The following ARHGAP25 variants were observed in gnomAD, a reference collection of about 807,000 sequenced individuals.
ARHGAP25 encodes the protein rho GTPase-activating protein 25.
ARHGAP25 carries 34 observed loss-of-function variants against 71.0 expected under a neutral mutation model. The ratio of observed to expected loss-of-function variants is 0.48; its 90% CI spans 0.36 to 0.64. The LOEUF is 0.64. Among genes scored for constraint, ARHGAP25 ranks in the 30% least tolerant of loss-of-function variants. The probability of loss-of-function intolerance (pLI) is 0.00; values close to 1 mark genes in which losing one functional copy is unlikely to be tolerated. For missense variants in ARHGAP25, 706 were observed against 805.1 expected (o/e 0.88, Z 1.49); for synonymous variants, 282 against 296.5 (o/e 0.95, Z 0.50).
At chr2:68,814,086 T>C (rs1200655631) in intron 6 of ARHGAP25, among the ~76,000 whole-genome samples, 1 of 152,166 alleles carries the variant, frequency 6.6e-6, no homozygotes, top group African/African-American at 2.4e-5. Flanking sequence ...ACAATAAACC[T>C]TGATGATTTT....
chr2:68,764,021 C>G (rs1256260339), intron 1 of ARHGAP25, among the ~76,000 whole-genome samples: 4 of 152,166 alleles, frequency 2.6e-5, no homozygotes, highest in Non-Finnish European at 5.9e-5. Context: ...TTCTCTCCAG[C>G]CGTTTTGCAA....
intron 2 of ARHGAP25, among the ~76,000 whole-genome samples, chr2:68,711,588 T>C (rs546163997): frequency 1.0e-3 from 157 of 152,270 alleles, no homozygotes; most frequent in African/African-American, 3.6e-3. Flanking sequence ...GTTACATAGG[T>C]ATACATGTGT....
chr2:68,804,376 T>C (rs1451981816), intron 4 of ARHGAP25, among the ~76,000 whole-genome samples: 1 of 152,202 alleles, frequency 6.6e-6, no homozygotes, highest in East Asian at 1.9e-4. Context: ...GAAGGGCCCC[T>C]CTCTGGACCT....
intron 3 of ARHGAP25, among the ~76,000 whole-genome samples, chr2:68,785,762 G>C (rs1207756719): frequency 6.6e-6 from 1 of 152,142 alleles, no homozygotes; most frequent in African/African-American, 2.4e-5. Context: ...TTTAAAGAAT[G>C]GGTAGGAGTT....
At chr2:68,795,612 C>T (rs1195673557) in intron 4 of ARHGAP25, among the ~76,000 whole-genome samples, 3 of 152,068 alleles carry the variant, frequency 2.0e-5, no homozygotes, top group African/African-American at 7.2e-5. Context: ...TTTTATTCCA[C>T]TGTGGTCTGA....
At chr2:68,823,966 T>C (rs1681899153) in intron 10 of ARHGAP25, among the ~76,000 whole-genome samples, 1 of 152,220 alleles carries the variant, frequency 6.6e-6, no homozygotes, top group Non-Finnish European at 1.5e-5. Context: ...GCACTAGTCA[T>C]GAGGCAGTGA....
chr2:68,713,368 T>C (rs1377822271), intron 2 of ARHGAP25, among the ~76,000 whole-genome samples: 3 of 152,244 alleles, frequency 2.0e-5, no homozygotes, highest in Non-Finnish European at 4.4e-5. Context: ...CCTGAGATTT[T>C]GCTGAAGTTG....
chr2:68,795,432 T>C (rs1233596604), intron 4 of ARHGAP25, among the ~76,000 whole-genome samples: 3 of 152,196 alleles, frequency 2.0e-5, no homozygotes, highest in Admixed American at 1.3e-4. Context: ...TTTGCACTGC[T>C]TTTGCAGTAG....
intron 9 of ARHGAP25, 121 bp from the exon 10 acceptor site, chr2:68,822,219 T>G (rs1386130738): frequency 1.0e-6 from 1 of 962,988 alleles, no homozygotes; most frequent in Non-Finnish European, 1.6e-6. Flanking sequence ...TGTGATACAT[T>G]AAGAATTTCA....
At chr2:68,769,677 T>A (rs1387637112) in intron 1 of ARHGAP25, among the ~76,000 whole-genome samples, 1 of 151,738 alleles carries the variant, frequency 6.6e-6, no homozygotes, top group Non-Finnish European at 1.5e-5. Context: ...CTGACAAGGG[T>A]CCAGAGCCAG....
intron 2 of ARHGAP25, among the ~76,000 whole-genome samples, chr2:68,727,939 A>G (rs1674923494): frequency 6.6e-6 from 1 of 152,248 alleles, no homozygotes; most frequent in African/African-American, 2.4e-5. Context: ...AGCATCACTT[A>G]AAAGTTCTAG....
At chr2:68,773,028 G>A (rs1173451066) in intron 1 of ARHGAP25, among the ~76,000 whole-genome samples, 4 of 152,188 alleles carry the variant, frequency 2.6e-5, no homozygotes, top group Admixed American at 2.6e-4. Context: ...GACCTCACCA[G>A]GTCCCTGGTG....
chr2:68,755,632 G>A (rs12373627), intron 1 of ARHGAP25, among the ~76,000 whole-genome samples: 14,693 of 106,090 alleles, frequency 0.14, 946 homozygotes, highest in Non-Finnish European at 0.2. Context: ...ATATTAAAAG[G>A]AACAGAAATT....
At chr2:68,792,653 T>C (rs1679267194) in intron 4 of ARHGAP25, among the ~76,000 whole-genome samples, 1 of 152,236 alleles carries the variant, frequency 6.6e-6, no homozygotes. Context: ...ATTTATACCA[T>C]ATTTTCTTCA....
chr2:68,772,997 A>G (rs543345722), intron 1 of ARHGAP25, among the ~76,000 whole-genome samples: 1 of 152,370 alleles, frequency 6.6e-6, no homozygotes, highest in East Asian at 1.9e-4. Context: ...ATGTCTTGCA[A>G]CGTGGGATAC....
At chr2:68,751,913 G>A (rs146577767) in intron 1 of ARHGAP25, among the ~76,000 whole-genome samples, 48 of 152,212 alleles carry the variant, frequency 3.2e-4, no homozygotes, top group African/African-American at 1.0e-3. Context: ...GACGCTGGGA[G>A]TGGCCACTAG....
chr2:68,731,336 T>C (rs1310622845), upstream of ARHGAP25, among the ~76,000 whole-genome samples: 1 of 152,132 alleles, frequency 6.6e-6, no homozygotes, highest in African/African-American at 2.4e-5. Flanking sequence ...CTCTTTTTTC[T>C]GCTGTAATAA....
intron 1 of ARHGAP25, among the ~76,000 whole-genome samples, chr2:68,738,880 C>T (rs1234963334): frequency 1.3e-5 from 2 of 151,258 alleles, no homozygotes; most frequent in Non-Finnish European, 2.9e-5. Context: ...AACAGCTACA[C>T]AAGGGAGCTG....
intron 5 of ARHGAP25, among the ~76,000 whole-genome samples, chr2:68,810,128 TAAAA>T (rs11332513): frequency 7.7e-5 from 10 of 129,102 alleles, no homozygotes; most frequent in Non-Finnish European, 9.8e-5. Context: ...AGCCCTTGAT[TAAAA>T]AAAAAAAAAA....
Sources: allele counts gnomAD v4.1 joint callset (sites outside exome capture counted in the v4.1 genomes callset), GRCh38; gene constraint gnomAD v4.1.1; transcripts MANE v1.5; gene names NCBI Gene and HGNC (gene_info 2026-07-23, HGNC 2026-07-21).